PHACTR3: variants seen among roughly 807,000 people sequenced by gnomAD.
The protein encoded by PHACTR3 is phosphatase and actin regulator 3.
In PHACTR3, 16 loss-of-function variants were observed where a neutral mutation model predicts 66.8. The ratio of observed to expected loss-of-function variants is 0.24; its 90% CI spans 0.16 to 0.36. The LOEUF is 0.36. Ranked by LOEUF, PHACTR3 falls within the 10% of genes least tolerant of loss-of-function variation. The pLI, the probability that PHACTR3 is intolerant of heterozygous loss-of-function variation, is 1.00. For synonymous variants in PHACTR3, 323 were observed against 292.1 expected (o/e 1.11, Z -1.08); for missense variants, 647 against 719.9 (o/e 0.90, Z 1.16).
intron 1 of PHACTR3, among the ~76,000 whole-genome samples, chr20:59,661,952 A>G (rs1234560034): frequency 1.3e-5 from 2 of 151,746 alleles, no homozygotes; most frequent in Non-Finnish European, 2.9e-5. Context: ...CTTGGGTTGG[A>G]TCAGTTTCTC....
intron 7 of PHACTR3, among the ~76,000 whole-genome samples, chr20:59,775,836 T>A (rs1184326602): frequency 6.6e-6 from 1 of 152,208 alleles, no homozygotes; most frequent in African/African-American, 2.4e-5. Flanking sequence ...GGTCAAGGGC[T>A]AGAGCACGGT....
intron 1 of PHACTR3, among the ~76,000 whole-genome samples, chr20:59,718,033 T>A (rs2038158275): frequency 6.6e-6 from 1 of 152,194 alleles, no homozygotes; most frequent in Non-Finnish European, 1.5e-5. Flanking sequence ...CCTCACATAT[T>A]CTTAGAAGCT....
At chr20:59,730,745 C>A (rs984617392) in intron 1 of PHACTR3, among the ~76,000 whole-genome samples, 1 of 152,274 alleles carries the variant, frequency 6.6e-6, no homozygotes, top group Admixed American at 6.5e-5. Flanking sequence ...AAACCAAATG[C>A]ACTTTCTACT....
intron 1 of PHACTR3, among the ~76,000 whole-genome samples, chr20:59,644,654 T>C (rs1016144307): frequency 6.6e-6 from 1 of 152,182 alleles, no homozygotes; most frequent in Non-Finnish European, 1.5e-5. Flanking sequence ...GCCAGAGCAC[T>C]TCCAGCATAC....
At chr20:59,740,048 T>A (rs1326331934) in intron 1 of PHACTR3, among the ~76,000 whole-genome samples, 1 of 152,158 alleles carries the variant, frequency 6.6e-6, no homozygotes, top group Non-Finnish European at 1.5e-5. Context: ...GAAGGTAAAA[T>A]AGGACAATGC....
At chr20:59,614,801 A>G (rs1600919413) in intron 1 of PHACTR3, among the ~76,000 whole-genome samples, 2 of 152,238 alleles carry the variant, frequency 1.3e-5, no homozygotes, top group South Asian at 2.1e-4. Context: ...TGGAGTTTCA[A>G]TGAAGTCAGG....
At chr20:59,691,558 A>G (rs1166630507) in intron 1 of PHACTR3, among the ~76,000 whole-genome samples, 1 of 152,102 alleles carries the variant, frequency 6.6e-6, no homozygotes. Flanking sequence ...TATTATCACT[A>G]TATTATATGT....
intron 1 of PHACTR3, among the ~76,000 whole-genome samples, chr20:59,711,050 T>C (rs991837740): frequency 1.3e-5 from 2 of 152,212 alleles, no homozygotes; most frequent in Non-Finnish European, 2.9e-5. Flanking sequence ...TGTATACATA[T>C]ATACAGAAAA....
At position 59,827,733 on chromosome 20, in the gene PHACTR3, T is replaced by A. The variant is rs553214036; in HGVS notation, c.1329-8772T>A. Among the ~76,000 whole-genome samples the A allele has an allele frequency of 3.9e-5, 6 of 151,930 alleles. No homozygotes were observed. The East Asian group carries it at 9.7e-4, about 25-fold the overall frequency. On this transcript the variant is annotated intron_variant, in intron 8 of 12. Coordinates refer to ENST00000371015, the MANE Select transcript of PHACTR3 (RefSeq NM_080672.5). ...GACATATTTCTCCTGCAGGGTGGGGTTGGGAGGACAGAGTAGGCAGGAGCC... is the reference window on the plus strand; with the variant it reads ...GACATATTTCTCCTGCAGGGTGGGGATGGGAGGACAGAGTAGGCAGGAGCC...
At chr20:59,658,100 A>G (rs1005212155) in intron 1 of PHACTR3, among the ~76,000 whole-genome samples, 1 of 152,098 alleles carries the variant, frequency 6.6e-6, no homozygotes, top group Non-Finnish European at 1.5e-5. Flanking sequence ...GATCCCCTCT[A>G]GTGAATTTTG....
At chr20:59,672,829 G>A (rs1212752130) in intron 1 of PHACTR3, among the ~76,000 whole-genome samples, 4 of 152,236 alleles carry the variant, frequency 2.6e-5, no homozygotes, top group African/African-American at 7.2e-5. Context: ...GAAGTTGCCT[G>A]TGGTTGCCCT....
intron 1 of PHACTR3, chr20:59,577,663 G>A: frequency 8.6e-7 from 1 of 1,163,896 alleles, no homozygotes; most frequent in Non-Finnish European, 1.1e-6. Context: ...GGGGCCCGGG[G>A]TGCCCGCCGG....
At chr20:59,788,224 T>C (rs965752867) in intron 7 of PHACTR3, among the ~76,000 whole-genome samples, 8 of 152,168 alleles carry the variant, frequency 5.3e-5, no homozygotes, top group Non-Finnish European at 1.0e-4. Flanking sequence ...CATTCCTGAG[T>C]TACTTCACTT....
intron 1 of PHACTR3, among the ~76,000 whole-genome samples, chr20:59,725,814 C>T (rs947320500): frequency 2.6e-5 from 4 of 152,158 alleles, no homozygotes; most frequent in South Asian, 2.1e-4. Flanking sequence ...CATTGGCTCT[C>T]GGCTCTGTGC....
chr20:59,767,132 C>A, intron 4 of PHACTR3, 54 bp from the exon 5 acceptor site: 1 of 1,583,658 alleles, frequency 6.3e-7, no homozygotes, highest in Non-Finnish European at 8.6e-7. Context: ...TCTCTTACTT[C>A]CACTGCTGTC....
intron 1 of PHACTR3, among the ~76,000 whole-genome samples, chr20:59,636,281 G>A (rs1035561516): frequency 4.6e-5 from 7 of 152,168 alleles, no homozygotes; most frequent in South Asian, 2.1e-4. Context: ...GGATCAGGTC[G>A]CAGATAGCAG....
chr20:59,793,788 G>A (rs2041172119), intron 7 of PHACTR3, among the ~76,000 whole-genome samples: 3 of 151,586 alleles, frequency 2.0e-5, no homozygotes, highest in Admixed American at 6.6e-5. Context: ...AATTGCTCTG[G>A]CTAGGACTTC....
chr20:59,766,022 C>G (rs868681571), intron 4 of PHACTR3, among the ~76,000 whole-genome samples: 5 of 152,204 alleles, frequency 3.3e-5, no homozygotes, highest in Non-Finnish European at 7.3e-5. Context: ...CCCAGGGAGA[C>G]CATCTCTCTT....
At chr20:59,605,862 G>A (rs1483725255) in intron 1 of PHACTR3, among the ~76,000 whole-genome samples, 1 of 140,696 alleles carries the variant, frequency 7.1e-6, no homozygotes, top group African/African-American at 2.5e-5. Flanking sequence ...GGGAGGTGGG[G>A]GGGGGGGTGG....
Sources: allele counts gnomAD v4.1 joint callset (sites outside exome capture counted in the v4.1 genomes callset), GRCh38; gene constraint gnomAD v4.1.1; transcripts MANE v1.5; gene names NCBI Gene and HGNC (gene_info 2026-07-23, HGNC 2026-07-21).